Variants in JAK2 observed in about 807,000 individuals in gnomAD.
JAK2 encodes the protein Janus kinase 2.
JAK2 carries 86 observed loss-of-function variants against 139.3 expected under a neutral mutation model. That is an observed-to-expected ratio of 0.62 (90% confidence interval 0.52 to 0.74). The LOEUF is 0.74. JAK2 is among the 30% of genes least tolerant of loss of function. JAK2 has a pLI of 0.00. For missense variants in JAK2, 1,421 were observed against 1,360.3 expected, an observed-to-expected ratio of 1.04 and a Z score of -0.70; for synonymous variants, 490 against 437.7, an observed-to-expected ratio of 1.12 and a Z score of -1.49.
At chr9:5,118,705 G>C (rs1182090129) in intron 22 of JAK2, among the ~76,000 whole-genome samples, 1 of 152,198 alleles carries the variant, frequency 6.6e-6, no homozygotes, top group Non-Finnish European at 1.5e-5. Flanking sequence ...GACAGGAATG[G>C]AAGGAGTTTT....
chr9:5,126,486 CT>C, intron 24 of JAK2, 40 bp downstream of exon 24: 1 of 1,374,350 alleles, frequency 7.3e-7, no homozygotes, highest in Non-Finnish European at 1.0e-6. Flanking sequence ...CATGCATTTT[CT>C]TTTACTTTTT....
intron 4 of JAK2, among the ~76,000 whole-genome samples, chr9:5,038,512 A>T (rs1242280986): frequency 1.3e-5 from 2 of 152,312 alleles, no homozygotes; most frequent in East Asian, 3.9e-4. Flanking sequence ...AAAATCAACA[A>T]AATACTTGCA....
chr9:5,018,917 C>G (rs1484066801), intron 2 of JAK2, among the ~76,000 whole-genome samples: 1 of 152,078 alleles, frequency 6.6e-6, no homozygotes, highest in Admixed American at 6.5e-5. Flanking sequence ...TGACTAGACT[C>G]TTTTTTCTTG....
intron 22 of JAK2, chr9:5,094,591 C>G (rs545937310): frequency 6.6e-6 from 1 of 152,204 alleles, no homozygotes; most frequent in African/African-American, 2.4e-5. Context: ...TTACTCTGAC[C>G]GCTCCTACCA....
At chr9:5,078,552 G>C in intron 16 of JAK2, 108 bp downstream of exon 16, 2 of 778,170 alleles carry the variant, frequency 2.6e-6, no homozygotes, top group African/African-American at 1.8e-5. Context: ...GTATGTTCCT[G>C]ATTAATAATA....
At chr9:5,109,937 A>T (rs542688505) in intron 22 of JAK2, 1 of 152,204 alleles carries the variant, frequency 6.6e-6, no homozygotes, top group African/African-American at 2.4e-5. Flanking sequence ...CTGGCTGACA[A>T]TATGGCCGAG....
At chr9:5,002,489 A>T (rs532777953) in intron 2 of JAK2, among the ~76,000 whole-genome samples, 23 of 152,164 alleles carry the variant, frequency 1.5e-4, no homozygotes, top group African/African-American at 5.5e-4. Flanking sequence ...TATGGCCAAG[A>T]ATATAATTCA....
At chr9:4,987,258 T>TTG (rs1052705597) in intron 2 of JAK2, among the ~76,000 whole-genome samples, 4 of 152,168 alleles carry the variant, frequency 2.6e-5, no homozygotes, top group Non-Finnish European at 2.9e-5. Context: ...TTAGGGAATT[T>TTG]TGTGTGTGTG....
At chr9:5,030,281 T>G (rs1033239469) in intron 4 of JAK2, among the ~76,000 whole-genome samples, 1 of 152,172 alleles carries the variant, frequency 6.6e-6, no homozygotes, top group African/African-American at 2.4e-5. Flanking sequence ...ATAAAGAACT[T>G]TTTAAAAAGT....
intron 2 of JAK2, among the ~76,000 whole-genome samples, chr9:4,990,684 A>G (rs2129711194): frequency 6.6e-6 from 1 of 152,286 alleles, no homozygotes; most frequent in African/African-American, 2.4e-5. Flanking sequence ...TTGGCAAGAA[A>G]TGAGAAGAAT....
At chr9:5,093,700 C>T (rs1447334535) in intron 22 of JAK2, among the ~76,000 whole-genome samples, 3 of 152,052 alleles carry the variant, frequency 2.0e-5, no homozygotes, top group Non-Finnish European at 4.4e-5. Flanking sequence ...CACATTGACC[C>T]AATAATTTGA....
intron 2 of JAK2, among the ~76,000 whole-genome samples, chr9:5,011,332 C>T (rs1276816192): frequency 6.6e-6 from 1 of 152,056 alleles, no homozygotes; most frequent in Non-Finnish European, 1.5e-5. Flanking sequence ...ACTACGGGCA[C>T]AGAGCACCAT....
In JAK2 at chr9:5,081,835, T is replaced by C; in HGVS notation, c.2545T>C (p.Leu849=). The change falls in exon 19 of 25, where the codon TTG becomes CTG. Residue 849 remains leucine, a synonymous_variant. Coordinates refer to ENST00000381652, the MANE Select transcript of JAK2 (RefSeq NM_004972.4). ...RDPTQFEERH[L]KFLQQLGKGN... is the part of the protein sequence containing the mutation. ...TCCTACACAGTTTGAAGAGAGACAT[T>C]TGAAATTTCTACAGCAACTTGGCAA... is the stretch of plus-strand genomic sequence containing the variant. 2 of 1,613,672 alleles carry C rather than the reference T, an allele frequency of 1.2e-6. No individual in the cohort carries two copies. The highest frequency in any genetic ancestry group is 2.2e-5 in the South Asian group (2 of 91,036).
Position 5,016,388 on chromosome 9 carries a change from A to G in JAK2, c.-25-5575A>G, listed in dbSNP as rs560346306. 3.9e-5 allele frequency among the ~76,000 whole-genome samples: 6 copies of G among 152,292 alleles called. No homozygotes were observed. The South Asian group carries it at 1.2e-3, about 32-fold the overall frequency. On this transcript the variant is annotated intron_variant, in intron 2 of 24. Transcript: ENST00000381652. The stretch of plus-strand genomic sequence containing the variant: ...ATTGTTAGATGAGGAGGGACACCAC[A>G]GACTGTGTATGTGTGTGTGTTGAGG...
At chr9:5,102,625 G>A (rs1821597861) in intron 22 of JAK2, among the ~76,000 whole-genome samples, 1 of 152,160 alleles carries the variant, frequency 6.6e-6, no homozygotes, top group Admixed American at 6.6e-5. Context: ...GGAAAAAAAT[G>A]TTAAGGGCAG....
rs1484447526 is a variant in JAK2 at position 5,076,921 on chromosome 9, C to A, written c.1865-532C>A. 8.0e-5 allele frequency among the ~76,000 whole-genome samples: 12 copies of A among 150,696 alleles called. 1 individual carries two copies. In the South Asian group the frequency reaches 2.3e-3, roughly 29 times the overall value. Reference sequence around the variant, plus strand: ...TGGAAGCCAACACTTGTTTTTCTGGCAAAATATGTTTTATATATTTTTTTA... The same window carrying A: ...TGGAAGCCAACACTTGTTTTTCTGGAAAAATATGTTTTATATATTTTTTTA... On this transcript the variant is annotated intron_variant, in intron 14 of 24. Transcript: ENST00000381652.
Position 5,072,406 on chromosome 9 carries a change from A to T in JAK2, c.1642-86A>T, listed in dbSNP as rs564816618. On this transcript the variant is annotated intron_variant, in intron 12 of 24. Transcript: ENST00000381652. The stretch of plus-strand genomic sequence containing the variant: ...AAATACTTGCTTATGGATTTAAAAA[A>T]ATTCTTCCTCATTGAATGTATTTTC... The T allele has an allele frequency of 1.5e-4, 154 of 1,002,418 alleles. No individual in the cohort carries two copies. In the East Asian group the frequency reaches 4.0e-3, roughly 26 times the overall value. The allele number at this position is 1,002,418 out of a possible 1,614,324, so 62.1% of individuals were successfully genotyped here. A position where few individuals can be genotyped will look rare whatever the true frequency, so the allele number is the denominator to read the frequency against.
chr9:5,056,118 T>G (rs1470565712), intron 8 of JAK2, among the ~76,000 whole-genome samples: 2 of 152,004 alleles, frequency 1.3e-5, no homozygotes, highest in African/African-American at 4.8e-5. Flanking sequence ...AAATATTTTA[T>G]CAACAGGGAT....
intron 4 of JAK2, 106 bp downstream of exon 4, chr9:5,030,012 ATTAG>A (rs1823040000): frequency 1.1e-6 from 1 of 870,570 alleles, no homozygotes; most frequent in Admixed American, 2.7e-5. Flanking sequence ...ACCTGAACCA[ATTAG>A]TTAGCACTCA....
Sources: allele counts gnomAD v4.1 joint callset (sites outside exome capture counted in the v4.1 genomes callset), GRCh38; gene constraint gnomAD v4.1.1; transcripts MANE v1.5; gene names NCBI Gene and HGNC (gene_info 2026-07-23, HGNC 2026-07-21).